Variants in VAV2 observed in about 807,000 individuals in gnomAD.
The protein encoded by VAV2 is guanine nucleotide exchange factor VAV2.
Under a neutral mutation model 132.5 loss-of-function variants are expected in VAV2, and 67 were observed. The ratio of observed to expected loss-of-function variants is 0.51; its 90% CI spans 0.42 to 0.62. VAV2 has a LOEUF of 0.62. VAV2 is among the 20% of genes least tolerant of loss of function. The pLI is 0.00. For synonymous variants in VAV2, 492 were observed against 443.5 expected, an observed-to-expected ratio of 1.11 and a Z score of -1.37; for missense variants, 938 against 1,153.6, an observed-to-expected ratio of 0.81 and a Z score of 2.71.
In VAV2 at chr9:133,833,672, C is replaced by T. The variant is rs778415342; in HGVS notation, c.449+600G>A. ...GTGATCCCACCCTGGTCACAGATTC[C>T]CACGGTCCCGATGGGGCCCTGGTGC... On this transcript the variant is annotated intron_variant, in intron 4 of 29. Coordinates refer to ENST00000371850, the MANE Select transcript of VAV2 (RefSeq NM_001134398.2). This position sits in a 1 kb window ranked among gnomAD's most constrained non-coding sequence, Gnocchi z 5.6. Among the ~76,000 whole-genome samples, 17 of 152,182 alleles carry T rather than the reference C, an allele frequency of 1.1e-4. No homozygotes were observed. Among genetic ancestry groups the T allele is most frequent in the Non-Finnish European group, 1.6e-4 (11 of 68,012 alleles).
At chr9:133,866,127 C>T (rs759189989) in intron 2 of VAV2, among the ~76,000 whole-genome samples, 3 of 151,708 alleles carry the variant, frequency 2.0e-5, no homozygotes, top group Non-Finnish European at 4.4e-5. Flanking sequence ...GGGCCCAAGC[C>T]CTAGGGTGGG....
intron 1 of VAV2, among the ~76,000 whole-genome samples, chr9:133,980,598 C>T (rs1232889901): frequency 6.6e-6 from 1 of 152,184 alleles, no homozygotes; most frequent in Non-Finnish European, 1.5e-5. Flanking sequence ...TCACGCATCT[C>T]CCTGGGTCTC....
chr9:133,767,812 T>C lies in VAV2; in HGVS notation c.2589+630A>G, dbSNP rs1386505102. 6.6e-5 allele frequency among the ~76,000 whole-genome samples: 10 copies of C among 152,182 alleles called. No homozygotes were observed. The East Asian group carries it at 1.9e-3, about 29-fold the overall frequency. On this transcript the variant is annotated intron_variant, in intron 29 of 29. Transcript: ENST00000371850. ...AGAAAGCTGGGCATTTTCTAATTGGTGGCACAGGGAGCTCTGGTGCTTGGA... is the reference window on the plus strand; with the variant it reads ...AGAAAGCTGGGCATTTTCTAATTGGCGGCACAGGGAGCTCTGGTGCTTGGA...
chr9:133,979,346 G>A (rs1170226845), intron 1 of VAV2, among the ~76,000 whole-genome samples: 2 of 152,182 alleles, frequency 1.3e-5, no homozygotes, highest in Admixed American at 6.5e-5. Flanking sequence ...GAACGCGGCT[G>A]TCAGAGGCTC....
chr9:133,878,661 C>T lies in VAV2; in HGVS notation c.322-17229G>A, dbSNP rs145418922. On this transcript the variant is annotated intron_variant, in intron 2 of 29. Coordinates refer to ENST00000371850, the MANE Select transcript of VAV2 (RefSeq NM_001134398.2). ...CCTTTGAGAGGCCATCCCTGCTGAC[C>T]CCACCTGCCGCCCGTCTCAGGAGGA... is the stretch of plus-strand genomic sequence containing the variant. Among the ~76,000 whole-genome samples, 8 of 152,320 alleles carry T rather than the reference C, an allele frequency of 5.3e-5. No homozygotes were observed. The East Asian group carries it at 1.5e-3, about 29-fold the overall frequency.
intron 4 of VAV2, among the ~76,000 whole-genome samples, chr9:133,830,413 G>A (rs553465669): frequency 5.9e-5 from 9 of 152,262 alleles, no homozygotes; most frequent in South Asian, 4.1e-4. Flanking sequence ...TCATGGAGGC[G>A]GTGACCCTCG....
At chr9:133,873,387 G>A (rs533323781) in intron 2 of VAV2, among the ~76,000 whole-genome samples, 13 of 152,130 alleles carry the variant, frequency 8.5e-5, no homozygotes, top group Non-Finnish European at 1.8e-4. Context: ...GGCAAAGGGC[G>A]TCCTGCCACA....
intron 2 of VAV2, among the ~76,000 whole-genome samples, chr9:133,886,325 G>C (rs977208850): frequency 2.6e-5 from 4 of 152,214 alleles, no homozygotes; most frequent in African/African-American, 9.7e-5. Context: ...CATCCTGGAG[G>C]AGGAGTCTCA....
intron 3 of VAV2, among the ~76,000 whole-genome samples, chr9:133,837,970 A>G (rs1162034806): frequency 6.6e-6 from 1 of 152,200 alleles, no homozygotes; most frequent in African/African-American, 2.4e-5. Context: ...AATCCAATTA[A>G]TTTCTGCCAC....
At chr9:133,865,072 C>T (rs892773658) in intron 2 of VAV2, among the ~76,000 whole-genome samples, 1 of 152,216 alleles carries the variant, frequency 6.6e-6, no homozygotes, top group African/African-American at 2.4e-5. Context: ...TCCCAGAGCC[C>T]AGGCACCGAA....
intron 1 of VAV2, among the ~76,000 whole-genome samples, chr9:133,990,936 C>G (rs1367087912): frequency 6.6e-6 from 1 of 152,116 alleles, no homozygotes; most frequent in Admixed American, 6.5e-5. Context: ...TTTGTCAGCG[C>G]CCCCCAACCC....
chr9:133,831,271 A>G (rs1836251142), intron 4 of VAV2, among the ~76,000 whole-genome samples: 1 of 152,156 alleles, frequency 6.6e-6, no homozygotes, highest in African/African-American at 2.4e-5. Flanking sequence ...CCTTGTCTCT[A>G]CTAAAAATAC....
chr9:133,800,960 G>A (rs1275445327), intron 9 of VAV2, among the ~76,000 whole-genome samples: 1 of 152,216 alleles, frequency 6.6e-6, no homozygotes, highest in African/African-American at 2.4e-5. Context: ...AGGTCAAAGG[G>A]CAGCAGGTAG....
At chr9:133,944,517 G>A (rs937252910) in intron 1 of VAV2, among the ~76,000 whole-genome samples, 5 of 152,346 alleles carry the variant, frequency 3.3e-5, no homozygotes, top group African/African-American at 9.6e-5. Context: ...ACCACAGGCA[G>A]GGAGGATGCT....
intron 1 of VAV2, among the ~76,000 whole-genome samples, chr9:133,978,368 C>A (rs1225462053): frequency 6.6e-6 from 1 of 152,310 alleles, no homozygotes; most frequent in Admixed American, 6.5e-5. Flanking sequence ...AGGCAGGCAC[C>A]CCCTCCCCAC....
intron 2 of VAV2, among the ~76,000 whole-genome samples, chr9:133,868,589 C>T (rs1451109248): frequency 6.6e-6 from 1 of 152,256 alleles, no homozygotes; most frequent in African/African-American, 2.4e-5. Context: ...GGCTGCACTC[C>T]ATCCTCCACT....
chr9:133,781,397 C>A (rs1446632133), intron 19 of VAV2, among the ~76,000 whole-genome samples: 1 of 152,250 alleles, frequency 6.6e-6, no homozygotes, highest in East Asian at 1.9e-4. Context: ...ACCTCCACAC[C>A]ACCCAGCACT....
intron 2 of VAV2, among the ~76,000 whole-genome samples, chr9:133,861,694 C>A (rs1429734565): frequency 6.6e-6 from 1 of 152,246 alleles, no homozygotes. Flanking sequence ...AACTCCCAAG[C>A]TGCTTCTCAC....
intron 2 of VAV2, among the ~76,000 whole-genome samples, chr9:133,868,942 G>A (rs948293376): frequency 2.0e-5 from 3 of 152,116 alleles, no homozygotes; most frequent in Non-Finnish European, 2.9e-5. Context: ...AGCCTCACTT[G>A]AGATGAGGAG....
Sources: allele counts gnomAD v4.1 joint callset (sites outside exome capture counted in the v4.1 genomes callset), GRCh38; gene constraint gnomAD v4.1.1; non-coding constraint Gnocchi (gnomAD v3.1); transcripts MANE v1.5; gene names NCBI Gene and HGNC (gene_info 2026-07-23, HGNC 2026-07-21).